The following PRDM1 variants were observed in gnomAD, a reference collection of about 807,000 sequenced individuals.
PRDM1 encodes PR domain zinc finger protein 1.
In PRDM1, 13 loss-of-function variants were observed where a neutral mutation model predicts 62.8. The ratio of observed to expected loss-of-function variants is 0.21; its 90% CI spans 0.13 to 0.33. PRDM1 has a LOEUF of 0.33. Ranked by LOEUF, PRDM1 falls within the 10% of genes least tolerant of loss-of-function variation. PRDM1 has a pLI of 1.00. For missense variants in PRDM1, 895 were observed against 1,058.8 expected (o/e 0.85, Z 2.15); for synonymous variants, 396 against 417.6 (o/e 0.95, Z 0.63).
chr6:106,014,441 C>A (rs571163437), intron 1 of PRDM1, among the ~76,000 whole-genome samples: 99 of 147,438 alleles, frequency 6.7e-4, no homozygotes, highest in Admixed American at 6.7e-4. Flanking sequence ...AAGAAATGTT[C>A]AAAAAAAAAA....
At chr6:106,085,994 T>C (rs1773789702), upstream of PRDM1, among the ~76,000 whole-genome samples, 1 of 152,128 alleles carries the variant, frequency 6.6e-6, no homozygotes, top group Non-Finnish European at 1.5e-5. Context: ...GGATTTGAGC[T>C]GAGAAATCAG....
At chr6:106,026,126 T>C (rs1270790107) in intron 1 of PRDM1, among the ~76,000 whole-genome samples, 1 of 152,222 alleles carries the variant, frequency 6.6e-6, no homozygotes, top group Non-Finnish European at 1.5e-5. Context: ...TAAGGTTTTC[T>C]TTTTCATTGT....
At chr6:106,021,684 A>C (rs1273310426) in intron 1 of PRDM1, among the ~76,000 whole-genome samples, 1 of 152,200 alleles carries the variant, frequency 6.6e-6, no homozygotes, top group Non-Finnish European at 1.5e-5. Flanking sequence ...GCAATGGTGC[A>C]ATCTTAGCTC....
chr6:106,063,858 T>C (rs1410814464), intron 1 of PRDM1, among the ~76,000 whole-genome samples: 1 of 152,248 alleles, frequency 6.6e-6, no homozygotes, highest in Non-Finnish European at 1.5e-5. Context: ...CAGTGTGGCT[T>C]GTAGGGATTT....
chr6:106,106,802 T>C lies in PRDM1; in HGVS notation c.1903-109T>C. 7.8e-7 allele frequency: 1 copy of C among 1,276,626 alleles called. No individual in the cohort carries two copies. The highest frequency in any genetic ancestry group is 1.1e-6 in the Non-Finnish European group (1 of 921,870). 79.1% of individuals were successfully genotyped at this position (1,276,626 alleles called of 1,614,324 possible). A position where few individuals can be genotyped will look rare whatever the true frequency, so the allele number is the denominator to read the frequency against. On this transcript the variant is annotated intron_variant, in intron 6 of 6. Transcript: ENST00000369096. This position sits in a 1 kb window ranked among gnomAD's most constrained non-coding sequence, Gnocchi z 4.4. ...AGGTGCCACAAGGAGGCTTCTCACC[T>C]CCTAGGTTGCTGGGCGTTGGCCGGT...
chr6:106,054,094 A>G (rs943160419), intron 1 of PRDM1, among the ~76,000 whole-genome samples: 1 of 151,838 alleles, frequency 6.6e-6, no homozygotes, highest in African/African-American at 2.4e-5. Flanking sequence ...CAGTCTGCCT[A>G]TTGCTTGGTT....
chr6:106,007,197 C>T (rs1308115217), intron 1 of PRDM1, among the ~76,000 whole-genome samples: 3 of 151,700 alleles, frequency 2.0e-5, no homozygotes, highest in Non-Finnish European at 2.9e-5. Context: ...TTTGGGAGGC[C>T]GAGGAGGGCG....
intron 1 of PRDM1, among the ~76,000 whole-genome samples, chr6:106,072,736 G>C (rs1196955776): frequency 6.6e-6 from 1 of 152,182 alleles, no homozygotes; most frequent in Non-Finnish European, 1.5e-5. Context: ...ATGAGCCCCG[G>C]GTAAATGAGA....
At chr6:106,011,509 G>C (rs1337067593) in intron 1 of PRDM1, among the ~76,000 whole-genome samples, 1 of 152,148 alleles carries the variant, frequency 6.6e-6, no homozygotes, top group African/African-American at 2.4e-5. Flanking sequence ...GAGTATGTGC[G>C]AGGGGAGCAA....
chr6:106,007,259 A>G (rs1326399932), intron 1 of PRDM1, among the ~76,000 whole-genome samples: 1 of 151,680 alleles, frequency 6.6e-6, no homozygotes, highest in Non-Finnish European at 1.5e-5. Flanking sequence ...GTGAAACTCC[A>G]TCTCTACTAA....
At chr6:106,010,509 T>C (rs916307662) in intron 1 of PRDM1, among the ~76,000 whole-genome samples, 2 of 152,198 alleles carry the variant, frequency 1.3e-5, no homozygotes, top group Non-Finnish European at 2.9e-5. Context: ...TCTTTAGAAT[T>C]TAATTAAGCA....
chr6:106,001,723 G>A (rs1025208231), intron 1 of PRDM1, among the ~76,000 whole-genome samples: 1 of 152,098 alleles, frequency 6.6e-6, no homozygotes, highest in African/African-American at 2.4e-5. Flanking sequence ...CATTACACTG[G>A]AGAACATTGC....
chr6:105,993,042 G>A (rs1288475797), upstream of PRDM1, among the ~76,000 whole-genome samples: 1 of 152,174 alleles, frequency 6.6e-6, no homozygotes, highest in East Asian at 1.9e-4. Flanking sequence ...TCCCGCTGTC[G>A]CCACTCTTCC....
At position 106,105,886 on chromosome 6, in the gene PRDM1, G is replaced by A. The variant is rs2114658657; in HGVS notation, c.1726G>A (p.Glu576Lys). The part of the protein sequence containing the change: ...LKKQNGKIKY[E>K]CNVCAKTFGQ... ...GAAGCAGAACGGCAAGATCAAGTAC[G>A]AATGCAACGTTTGCGCCAAGACTTT... The change falls in exon 5 of 7, where the codon GAA becomes AAA. Residue 576 changes from glutamate to lysine, a missense_variant. This residue lies in a region of PRDM1 where 74 missense variants were observed against 172.4 expected (regional missense o/e 0.43). Coordinates refer to ENST00000369096, the MANE Select transcript of PRDM1 (RefSeq NM_001198.4). 1 of 1,613,996 alleles carries A rather than the reference G, an allele frequency of 6.2e-7. No homozygotes were observed. The highest frequency in any genetic ancestry group is 1.1e-5 in the South Asian group (1 of 91,084).
chr6:106,018,501 T>C (rs1316245177), intron 1 of PRDM1, among the ~76,000 whole-genome samples: 1 of 152,216 alleles, frequency 6.6e-6, no homozygotes, highest in Non-Finnish European at 1.5e-5. Context: ...CAGGATTACA[T>C]TGAGGAGATC....
intron 1 of PRDM1, among the ~76,000 whole-genome samples, chr6:105,995,851 C>A (rs566887476): frequency 6.6e-6 from 1 of 152,052 alleles, no homozygotes; most frequent in Non-Finnish European, 1.5e-5. Flanking sequence ...CGGGGACAAT[C>A]TTTAGTTTGT....
chr6:106,019,349 CAT>C (rs1772664622), intron 1 of PRDM1, among the ~76,000 whole-genome samples: 2 of 147,698 alleles, frequency 1.4e-5, no homozygotes, highest in South Asian at 4.3e-4. Context: ...GTTATTTACT[CAT>C]ATAAATTTAC....
intron 1 of PRDM1, among the ~76,000 whole-genome samples, chr6:106,028,969 G>A (rs2114565372): frequency 7.2e-6 from 1 of 138,220 alleles, no homozygotes; most frequent in South Asian, 2.2e-4. Flanking sequence ...CTGCCAGGCT[G>A]GAGTGCAGTG....
chr6:106,006,904 C>G lies in PRDM1; in HGVS notation c.-67+13265C>G, dbSNP rs549688149. Among the ~76,000 whole-genome samples, 83 of 152,080 alleles carry G rather than the reference C, an allele frequency of 5.5e-4. No homozygotes were observed. In the Middle Eastern group the frequency reaches 0.031, roughly 56 times the overall value. ...GTCTAAGGTCTCTTCAAACTCTCTG[C>G]TCAGTGATCGTTTATGGCACTTGTG... is the stretch of plus-strand genomic sequence containing the variant. On this transcript the variant is annotated intron_variant, in intron 1 of 6. Coordinates refer to the PRDM1 transcript ENST00000652320.
Sources: allele counts gnomAD v4.1 joint callset (sites outside exome capture counted in the v4.1 genomes callset), GRCh38; gene constraint gnomAD v4.1.1; regional missense constraint gnomAD v4.1.1; non-coding constraint Gnocchi (gnomAD v3.1); transcripts MANE v1.5; gene names NCBI Gene and HGNC (gene_info 2026-07-23, HGNC 2026-07-21).